NFIX: variants seen among roughly 807,000 people sequenced by gnomAD.
The protein encoded by NFIX is nuclear factor 1 X-type.
A neutral mutation model predicts 53.3 loss-of-function variants in NFIX; 2 were observed. That is an observed-to-expected ratio of 0.04 (90% CI 0.02 to 0.12). The LOEUF (loss-of-function observed/expected upper bound fraction) is 0.12. Ranked by LOEUF, NFIX falls within the 10% of genes least tolerant of loss-of-function variation. The probability of loss-of-function intolerance (pLI) is 1.00; values close to 1 mark genes in which losing one functional copy is unlikely to be tolerated. For synonymous variants in NFIX, 244 were observed against 289.0 expected, an observed-to-expected ratio of 0.84 and a Z score of 1.58; for missense variants, 310 against 674.5, an observed-to-expected ratio of 0.46 and a Z score of 5.99.
chr19:13,080,794 A>G (rs1287417866), intron 7 of NFIX, among the ~76,000 whole-genome samples: 1 of 151,850 alleles, frequency 6.6e-6, no homozygotes, highest in Non-Finnish European at 1.5e-5. Flanking sequence ...AGGTCAGGAG[A>G]TCGAGACCAT....
chr19:13,061,795 T>A (rs553734815), intron 2 of NFIX, among the ~76,000 whole-genome samples: 1 of 152,120 alleles, frequency 6.6e-6, no homozygotes, highest in Non-Finnish European at 1.5e-5. Flanking sequence ...AGTTAAAATA[T>A]GTTAAAAAAA....
chr19:13,047,579 G>T (rs912612775), intron 2 of NFIX, among the ~76,000 whole-genome samples: 1 of 152,122 alleles, frequency 6.6e-6, no homozygotes. Flanking sequence ...ATTCCTCTTC[G>T]GTGCCAGAAA....
intron 1 of NFIX, chr19:13,024,648 G>A: frequency 6.5e-7 from 1 of 1,536,436 alleles, no homozygotes; most frequent in South Asian, 1.2e-5. Flanking sequence ...AGATGTCATG[G>A]GCGCGACAGA....
chr19:13,085,971 G>A (rs1361000355), intron 8 of NFIX, among the ~76,000 whole-genome samples: 2 of 152,236 alleles, frequency 1.3e-5, no homozygotes, highest in Non-Finnish European at 2.9e-5. Flanking sequence ...GTGAGATCAA[G>A]AATGTCCTAG....
intron 5 of NFIX, 147 bp from the exon 6 acceptor site, chr19:13,075,388 C>A: frequency 1.2e-6 from 1 of 805,472 alleles, no homozygotes; most frequent in Admixed American, 2.7e-5. Context: ...GTTGGGCACG[C>A]AGTGAGTGCC....
chr19:13,026,744 CTGTGTGTGTGTG>C (rs201026735), intron 2 of NFIX, among the ~76,000 whole-genome samples: 2 of 149,904 alleles, frequency 1.3e-5, no homozygotes, highest in Non-Finnish European at 3.0e-5. Flanking sequence ...CTCTCTCTCT[CTGTGTGTGTGTG>C]TGTGTGTGTG....
At chr19:13,008,220 G>A (rs937354857) in intron 1 of NFIX, among the ~76,000 whole-genome samples, 13 of 152,166 alleles carry the variant, frequency 8.5e-5, no homozygotes, top group African/African-American at 2.9e-4. Context: ...GGGCTTGAGG[G>A]GGTGCTGGGA....
rs991849215 is a variant in NFIX at position 13,037,418 on chromosome 19, C to T, written c.559+11866C>T. On this transcript the variant is annotated intron_variant, in intron 2 of 10. Coordinates refer to ENST00000592199, the MANE Select transcript of NFIX (RefSeq NM_001365902.3). The surrounding 1 kb of genome is among the most constrained non-coding windows in gnomAD (Gnocchi z 4.2). ...ATTTGATGCGGATCTCAGAGAGCCTCGTGGAAGTAATGGCGCTGAGAGATG... is the reference window on the plus strand; with the variant it reads ...ATTTGATGCGGATCTCAGAGAGCCTTGTGGAAGTAATGGCGCTGAGAGATG... Among the ~76,000 whole-genome samples the T allele has an allele frequency of 6.6e-6, 1 of 152,068 alleles. No individual in the cohort carries two copies. Among genetic ancestry groups the T allele is most frequent in the African/African-American group, 2.4e-5 (1 of 41,394 alleles).
At chr19:13,041,793 CAA>C (rs755429201) in intron 2 of NFIX, among the ~76,000 whole-genome samples, 18 of 103,314 alleles carry the variant, frequency 1.7e-4, no homozygotes, top group African/African-American at 2.2e-4. Flanking sequence ...GACTCCGTCT[CAA>C]AAAAAAAAAA....
rs1007357377 is a variant in NFIX, at chr19:13,043,462, C to T, written c.559+17910C>T. 2.0e-5 allele frequency among the ~76,000 whole-genome samples: 3 copies of T among 152,208 alleles called. No homozygotes were observed. Among genetic ancestry groups the T allele is most frequent in the Non-Finnish European group, 2.9e-5 (2 of 68,026 alleles). On this transcript the variant is annotated intron_variant, in intron 2 of 10. Transcript: ENST00000592199. This position sits in a 1 kb window ranked among gnomAD's most constrained non-coding sequence, Gnocchi z 4.0. ...TTCTGAGGTGCAAGCCCATGCTGGC[C>T]GCCAGCACGTGCCAGAGAGCTCCTG... is the stretch of plus-strand genomic sequence containing the variant.
In NFIX at chr19:12,998,673, C is replaced by T. The variant is rs896239926; in HGVS notation, c.27+2809C>T. Among the ~76,000 whole-genome samples, 4 of 152,084 alleles carry T rather than the reference C, an allele frequency of 2.6e-5. No homozygotes were observed. Among genetic ancestry groups the T allele is most frequent in the Admixed American group, 6.5e-5 (1 of 15,270 alleles). On this transcript the variant is annotated intron_variant, in intron 1 of 10. Coordinates refer to ENST00000592199, the MANE Select transcript of NFIX (RefSeq NM_001365902.3). This position sits in a 1 kb window ranked among gnomAD's most constrained non-coding sequence, Gnocchi z 4.4. ...GTGAACTCACGTACACCACCATCAC[C>T]GCCAAGATGGGGATGTAAGTGTCCT...
rs139926376 is a variant in NFIX, at chr19:13,032,853, G to A, written c.559+7301G>A. ...CCCAAACCAGTGCCTGTTGGGGTGC[G>A]TACCTTAACACATGTGGGCACGTCC... On this transcript the variant is annotated intron_variant, in intron 2 of 10. Transcript: ENST00000592199. 4.1e-4 allele frequency among the ~76,000 whole-genome samples: 62 copies of A among 152,246 alleles called. No individual in the cohort carries two copies. In the East Asian group the frequency reaches 8.5e-3, roughly 21 times the overall value.
At chr19:13,069,661 G>C (rs949285317) in intron 2 of NFIX, 6 of 152,310 alleles carry the variant, frequency 3.9e-5, no homozygotes, top group African/African-American at 1.4e-4. Context: ...GCCAGAGTCC[G>C]GGAGGCTGCC....
rs142156522 is a variant in NFIX at position 13,092,525 on chromosome 19, C to A, written c.1495-2110C>A. ...AGACCCCAAAGGGGCCAGTGTGAGG[C>A]CCTGGCATGATCTGCCAGGAGCAGA... On this transcript the variant is annotated intron_variant, in intron 10 of 10. Transcript: ENST00000592199. Among the ~76,000 whole-genome samples, 421 of 152,368 alleles carry A rather than the reference C, an allele frequency of 2.8e-3. 1 individual carries two copies. Among genetic ancestry groups the A allele is most frequent in the South Asian group, 7.7e-3 (37 of 4,834 alleles).
chr19:13,001,937 G>T lies in NFIX; in HGVS notation c.27+6073G>T, dbSNP rs2011725230. On this transcript the variant is annotated intron_variant, in intron 1 of 10. Transcript: ENST00000592199. The surrounding 1 kb of genome is among the most constrained non-coding windows in gnomAD (Gnocchi z 6.5). ...GGCGTGGACAGAAGCCCGTTGTGCG[G>T]CAGCGAGGTGCGGGCGTGTGTTCGG... 1.3e-5 allele frequency among the ~76,000 whole-genome samples: 2 copies of T among 152,232 alleles called. No individual in the cohort carries two copies. Among genetic ancestry groups the T allele is most frequent in the Non-Finnish European group, 2.9e-5 (2 of 68,036 alleles).
chr19:13,074,797 C>T (rs1256085292), intron 5 of NFIX, among the ~76,000 whole-genome samples: 2 of 150,936 alleles, frequency 1.3e-5, no homozygotes, highest in Non-Finnish European at 2.9e-5. Context: ...AGGCCAGGCT[C>T]GGTGGCTCAC....
In NFIX at chr19:13,007,047, G is replaced by A. The variant is rs147648253; in HGVS notation, c.27+11183G>A. On this transcript the variant is annotated intron_variant, in intron 1 of 10. Transcript: ENST00000592199. ...CTGGAAGGGCCGGGCTGCCTCTTCC[G>A]CTGCCCCTTTGCAGCCTGGAGCTCA... 1.1e-3 allele frequency among the ~76,000 whole-genome samples: 167 copies of A among 152,198 alleles called. 1 individual carries two copies. Among genetic ancestry groups the A allele is most frequent in the African/African-American group, 3.7e-3 (155 of 41,532 alleles).
chr19:13,069,641 G>A (rs2016648495), intron 2 of NFIX, among the ~76,000 whole-genome samples: 1 of 152,320 alleles, frequency 6.6e-6, no homozygotes, highest in South Asian at 2.1e-4. Flanking sequence ...GAGACTGAGT[G>A]GGAGGCCCGG....
In NFIX at chr19:13,081,732, C is replaced by T. The variant is rs1250016831; in HGVS notation, c.1131C>T (p.Ile377=). The T allele has an allele frequency of 1.9e-6, 3 of 1,613,878 alleles. No homozygotes were observed. Among genetic ancestry groups the T allele is most frequent in the African/African-American group, 1.3e-5 (1 of 74,922 alleles). The change falls in exon 8 of 11, where the codon ATC becomes ATT. Residue 377 remains isoleucine, a synonymous_variant. Coordinates refer to ENST00000592199, the MANE Select transcript of NFIX (RefSeq NM_001365902.3). The surrounding 1 kb of genome is among the most constrained non-coding windows in gnomAD (Gnocchi z 4.7). ...TGCACTTCCCCTCCACGTCCATCAT[C>T]CAGCAGTCGAGCCCGTATTTCACGC... is the stretch of plus-strand genomic sequence containing the variant. The part of the protein sequence containing the change: ...SALHFPSTSI[I]QQSSPYFTHP...
Sources: allele counts gnomAD v4.1 joint callset (sites outside exome capture counted in the v4.1 genomes callset), GRCh38; gene constraint gnomAD v4.1.1; non-coding constraint Gnocchi (gnomAD v3.1); transcripts MANE v1.5; gene names NCBI Gene and HGNC (gene_info 2026-07-23, HGNC 2026-07-21).